Variants in SYNPO observed in about 807,000 individuals in gnomAD.
The protein encoded by SYNPO is synaptopodin.
Under a neutral mutation model 49.5 loss-of-function variants are expected in SYNPO, and 19 were observed. The observed-to-expected ratio is 0.38, with a 90% CI of 0.27 to 0.56. SYNPO has a LOEUF of 0.56. Among genes scored for constraint, SYNPO ranks in the 20% least tolerant of loss-of-function variants. SYNPO has a pLI of 0.68. For synonymous variants in SYNPO, 536 were observed against 548.0 expected, an observed-to-expected ratio of 0.98 and a Z score of 0.31; for missense variants, 1,131 against 1,248.3, an observed-to-expected ratio of 0.91 and a Z score of 1.42.
intron 2 of SYNPO, among the ~76,000 whole-genome samples, chr5:150,628,528 A>G (rs944997015): frequency 1.3e-5 from 2 of 152,190 alleles, no homozygotes; most frequent in Non-Finnish European, 2.9e-5. Context: ...ACCCTGTTGT[A>G]TACTGTTGTT....
At chr5:150,650,741 T>G (rs1176107281) in intron 2 of SYNPO, 1 of 1,303,232 alleles carries the variant, frequency 7.7e-7, no homozygotes, top group African/African-American at 1.5e-5. Context: ...CCAGTGCCTG[T>G]GGAGTCAGCC....
rs369084382 is a variant in SYNPO at position 150,640,873 on chromosome 5, C to T, written c.-333+19C>T. ...TAGCAGAGTGAGTAAGATGAGCACC[C>T]GGAGGTGCCTTTGTGGCTTGGGGTA... On this transcript the variant is annotated intron_variant, in intron 1 of 2. Transcript: ENST00000307662. The T allele has an allele frequency of 3.0e-6, 3 of 984,148 alleles. No individual in the cohort carries two copies. Among genetic ancestry groups the T allele is most frequent in the Non-Finnish European group, 2.4e-6 (2 of 828,734 alleles). The allele number at this position is 984,148 out of a possible 1,614,324, so 61.0% of individuals were successfully genotyped here.
At position 150,647,956 on chromosome 5, in the gene SYNPO, G is replaced by A; in HGVS notation, c.-320G>A. The A allele has an allele frequency of 6.4e-7, 1 of 1,551,740 alleles. No homozygotes were observed. Among genetic ancestry groups the A allele is most frequent in the Admixed American group, 2.0e-5 (1 of 51,006 alleles). ...TCCCTCCCTGTAGCGTTGGGCCGGAGCACTAGCCTCACGGAGAAGGATCTG... is the reference window on the plus strand; with the variant it reads ...TCCCTCCCTGTAGCGTTGGGCCGGAACACTAGCCTCACGGAGAAGGATCTG... On this transcript the variant is annotated 5_prime_UTR_variant, in exon 2 of 3. Coordinates refer to ENST00000307662, the MANE Select transcript of SYNPO (RefSeq NM_007286.6).
intron 2 of SYNPO, among the ~76,000 whole-genome samples, chr5:150,620,909 CT>C (rs1277120065): frequency 1.6e-5 from 2 of 124,258 alleles, no homozygotes; most frequent in Admixed American, 1.6e-4. Flanking sequence ...CTCTTTCTTT[CT>C]TTCTTTCTTT....
intron 2 of SYNPO, among the ~76,000 whole-genome samples, chr5:150,620,899 C>CTTTTTCTTTCTTTCTTTCTTTATTTCTT (rs1014762340): frequency 4.5e-4 from 49 of 108,920 alleles, no homozygotes; most frequent in African/African-American, 1.6e-3. Flanking sequence ...TTCTTTTTTT[C>CTTTTTCTTTCTTTCTTTCTTTATTTCTT]TCTTTCTTTC....
At chr5:150,602,922 C>A (rs1421120959) in intron 1 of SYNPO, among the ~76,000 whole-genome samples, 1 of 151,710 alleles carries the variant, frequency 6.6e-6, no homozygotes, top group Non-Finnish European at 1.5e-5. Context: ...TGTAGGCCAT[C>A]TTTTGGCCCC....
upstream of SYNPO, among the ~76,000 whole-genome samples, chr5:150,637,847 T>C (rs1484781545): frequency 1.3e-5 from 2 of 152,178 alleles, no homozygotes; most frequent in African/African-American, 2.4e-5. Context: ...CTGAGACAGA[T>C]GGCAGGAGAG....
chr5:150,651,373 T>C (rs897040500), intron 2 of SYNPO: 2 of 1,000,362 alleles, frequency 2.0e-6, no homozygotes, highest in African/African-American at 3.5e-5. Flanking sequence ...TTATCATTTA[T>C]ACAAGGAGGG....
At chr5:150,651,887 T>G in intron 2 of SYNPO, 1 of 1,000,348 alleles carries the variant, frequency 1.0e-6, no homozygotes, top group Non-Finnish European at 1.2e-6. Context: ...CCAGGCTTTG[T>G]GGGGGGTGAG....
chr5:150,653,213 C>T (rs1758449723), intron 2 of SYNPO: 1 of 152,160 alleles, frequency 6.6e-6, no homozygotes, highest in Non-Finnish European at 1.5e-5. Flanking sequence ...TGCACACCCC[C>T]GACTCAAAAA....
Position 150,656,553 on chromosome 5 carries a change from G to A in SYNPO, c.2178G>A (p.Pro726=). Residue 726 remains proline, a synonymous_variant, in exon 3 of 3, where the codon CCG becomes CCA. Transcript: ENST00000307662. ...MSSPPPLPPP[P]PMSPSWSERS... is the part of the protein sequence containing the mutation. ...GCCCCCCGCCGCTGCCGCCGCCACC[G>A]CCCATGTCTCCCTCGTGGAGCGAGC... is the stretch of plus-strand genomic sequence containing the variant. 6.5e-7 allele frequency: 1 copy of A among 1,527,966 alleles called. No individual in the cohort carries two copies. The highest frequency in any genetic ancestry group is 8.7e-7 in the Non-Finnish European group (1 of 1,143,804). 94.7% of individuals were successfully genotyped at this position (1,527,966 alleles called of 1,614,324 possible).
At chr5:150,597,462 G>T (rs1206102998), upstream of SYNPO, among the ~76,000 whole-genome samples, 1 of 152,202 alleles carries the variant, frequency 6.6e-6, no homozygotes, top group African/African-American at 2.4e-5. Flanking sequence ...CCCTGGAGTA[G>T]CTGGGATTAC....
At chr5:150,642,299 G>A (rs1757937197) in intron 1 of SYNPO, among the ~76,000 whole-genome samples, 2 of 152,176 alleles carry the variant, frequency 1.3e-5, no homozygotes, top group Admixed American at 1.3e-4. Flanking sequence ...TTTTCATTGT[G>A]CCCGCCCTCC....
intron 1 of SYNPO, among the ~76,000 whole-genome samples, chr5:150,605,411 T>C (rs1756663558): frequency 6.6e-6 from 1 of 151,562 alleles, no homozygotes; most frequent in South Asian, 2.1e-4. Context: ...TTTAAAGAGA[T>C]GAGGAAACTC....
At chr5:150,642,443 A>T (rs978240260) in intron 1 of SYNPO, among the ~76,000 whole-genome samples, 14 of 152,190 alleles carry the variant, frequency 9.2e-5, no homozygotes, top group African/African-American at 1.4e-4. Flanking sequence ...CATGACTTGC[A>T]CAAGTGCAGG....
intron 1 of SYNPO, among the ~76,000 whole-genome samples, chr5:150,615,546 C>T (rs1452553067): frequency 1.3e-5 from 2 of 152,226 alleles, no homozygotes; most frequent in Non-Finnish European, 1.5e-5. Flanking sequence ...TGGACGGATC[C>T]TCCAGCATCA....
At chr5:150,624,074 G>A (rs1757266287) in intron 2 of SYNPO, among the ~76,000 whole-genome samples, 1 of 152,214 alleles carries the variant, frequency 6.6e-6, no homozygotes, top group Admixed American at 6.5e-5. Context: ...AATCTGAATG[G>A]CATTTTGCTC....
chr5:150,593,510 G>A, the SYNPO span, among the ~76,000 whole-genome samples: 5 of 152,026 alleles, frequency 3.3e-5, no homozygotes, highest in African/African-American at 1.2e-4. Context: ...CTTCCAGGCT[G>A]GAGTGCAGTG....
In SYNPO at chr5:150,656,762, C is replaced by A; in HGVS notation, c.2387C>A (p.Pro796Gln). Residue 796 changes from proline (P) to glutamine (Q), a missense_variant, in exon 3 of 3, where the codon CCG becomes CAG. Pro to Gln is a moderately conservative substitution (Grantham distance 76). This residue lies in a region of SYNPO where 509 missense variants were observed against 484.5 expected (regional missense o/e 1.05). Coordinates refer to ENST00000307662, the MANE Select transcript of SYNPO (RefSeq NM_007286.6). Reference protein sequence around the residue: ...PRAPPPPPPPPPPPPRMRSPQ... With the variant: ...PRAPPPPPPPQPPPPRMRSPQ... ...GCGCCACCGCCCCCGCCCCCGCCCC[C>A]GCCCCCGCCCCCGCGCATGCGCTCG... 1.6e-6 allele frequency: 2 copies of A among 1,220,954 alleles called. No individual in the cohort carries two copies. Among genetic ancestry groups the A allele is most frequent in the Non-Finnish European group, 2.0e-6 (2 of 984,526 alleles). 75.6% of individuals were successfully genotyped at this position (1,220,954 alleles called of 1,614,324 possible).
Sources: allele counts gnomAD v4.1 joint callset (sites outside exome capture counted in the v4.1 genomes callset), GRCh38; gene constraint gnomAD v4.1.1; regional missense constraint gnomAD v4.1.1; transcripts MANE v1.5; gene names NCBI Gene and HGNC (gene_info 2026-07-23, HGNC 2026-07-21).